Variants in KCNMA1 observed in about 807,000 individuals in gnomAD.
KCNMA1 encodes potassium calcium-activated channel subfamily M alpha 1, also known as Calcium-activated potassium channel subunit alpha-1.
Under a neutral mutation model 140.0 loss-of-function variants are expected in KCNMA1, and 29 were observed. That is an observed-to-expected ratio of 0.21 (90% CI 0.15 to 0.28). The LOEUF (loss-of-function observed/expected upper bound fraction) is 0.28, where lower values mean the gene tolerates loss of function less well. Among genes scored for constraint, KCNMA1 ranks in the 10% least tolerant of loss-of-function variants. The pLI, the probability that KCNMA1 is intolerant of heterozygous loss-of-function variation, is 1.00. For synonymous variants in KCNMA1, 612 were observed against 611.9 expected (o/e 1.00, Z 0.00); for missense variants, 880 against 1,602.2 (o/e 0.55, Z 7.70).
At chr10:77,550,689 T>G (rs1327228510) in intron 1 of KCNMA1, among the ~76,000 whole-genome samples, 1 of 152,206 alleles carries the variant, frequency 6.6e-6, no homozygotes, top group Non-Finnish European at 1.5e-5. Flanking sequence ...AAGGATTGTG[T>G]GTACTCCCTC....
chr10:77,105,895 A>G (rs562437990), intron 9 of KCNMA1, among the ~76,000 whole-genome samples: 1 of 152,346 alleles, frequency 6.6e-6, no homozygotes, highest in East Asian at 1.9e-4. Flanking sequence ...CAAGCGAAAG[A>G]AAACTTATTG....
chr10:77,071,855 G>A (rs983349854), intron 14 of KCNMA1, among the ~76,000 whole-genome samples: 2 of 152,298 alleles, frequency 1.3e-5, no homozygotes, highest in African/African-American at 4.8e-5. Flanking sequence ...ACATAATGCC[G>A]ATTTGGCAGG....
intron 1 of KCNMA1, among the ~76,000 whole-genome samples, chr10:77,408,537 T>G (rs1448785444): frequency 6.6e-6 from 1 of 152,158 alleles, no homozygotes; most frequent in Non-Finnish European, 1.5e-5. Flanking sequence ...TCTGTGTGTG[T>G]GCTCACACAT....
At chr10:77,298,139 C>T (rs377045508) in intron 2 of KCNMA1, among the ~76,000 whole-genome samples, 1 of 152,182 alleles carries the variant, frequency 6.6e-6, no homozygotes, top group African/African-American at 2.4e-5. Flanking sequence ...CCCTGCTAAA[C>T]CAGAGAGAGC....
Position 77,086,669 on chromosome 10 carries a change from T to C in KCNMA1, c.1335-76A>G, listed in dbSNP as rs529109900. 1.2e-3 allele frequency: 1,194 copies of C among 1,020,546 alleles called. 1 individual carries two copies. Among genetic ancestry groups the C allele is most frequent in the Non-Finnish European group, 1.3e-3 (856 of 655,138 alleles). 63.2% of individuals were successfully genotyped at this position (1,020,546 alleles called of 1,614,324 possible). A position where few individuals can be genotyped will look rare whatever the true frequency, so the allele number is the denominator to read the frequency against. On this transcript the variant is annotated intron_variant, in intron 10 of 27. Coordinates refer to ENST00000286628, the MANE Select transcript of KCNMA1 (RefSeq NM_001161352.2). The stretch of plus-strand genomic sequence containing the variant: ...CAGCCTCCATGGGCTCCTTCCTCTC[T>C]AATTTCCACAGGGAGCCCTGGGGAG...
chr10:77,424,296 T>C (rs1286461812), intron 1 of KCNMA1, among the ~76,000 whole-genome samples: 7 of 152,234 alleles, frequency 4.6e-5, no homozygotes, highest in Admixed American at 6.5e-5. Context: ...ATGCCAAGTA[T>C]GAATCTAAGT....
At chr10:77,259,089 C>T (rs551747725) in intron 2 of KCNMA1, among the ~76,000 whole-genome samples, 4 of 152,256 alleles carry the variant, frequency 2.6e-5, no homozygotes, top group African/African-American at 7.2e-5. Flanking sequence ...AATTACCAAG[C>T]TAGCACTATG....
intron 3 of KCNMA1, among the ~76,000 whole-genome samples, chr10:77,231,129 C>T (rs1361855434): frequency 6.6e-6 from 1 of 152,166 alleles, no homozygotes; most frequent in Admixed American, 6.5e-5. Flanking sequence ...TCCTGTGATA[C>T]TCAAGGCCCT....
chr10:77,493,470 G>A (rs952495758), intron 1 of KCNMA1, among the ~76,000 whole-genome samples: 1 of 152,260 alleles, frequency 6.6e-6, no homozygotes, highest in Admixed American at 6.5e-5. Context: ...GGCGTCAAGC[G>A]TGAGTTGGAG....
chr10:77,251,455 C>T (rs2059649097), intron 2 of KCNMA1, among the ~76,000 whole-genome samples, 199 bp from the exon 3 acceptor site: 1 of 152,120 alleles, frequency 6.6e-6, no homozygotes, highest in East Asian at 1.9e-4. Flanking sequence ...CAACCTCGCT[C>T]CTTGCCAATA....
chr10:77,297,098 G>A (rs990761263), intron 2 of KCNMA1, among the ~76,000 whole-genome samples: 5 of 152,184 alleles, frequency 3.3e-5, no homozygotes, highest in Non-Finnish European at 4.4e-5. Context: ...TTGTGAGGAC[G>A]GAGGTCCTAC....
chr10:77,429,604 T>C (rs2097104548), intron 1 of KCNMA1, among the ~76,000 whole-genome samples: 1 of 152,194 alleles, frequency 6.6e-6, no homozygotes, highest in Non-Finnish European at 1.5e-5. Flanking sequence ...TATTGTACCC[T>C]CTTTTGGAAA....
intron 1 of KCNMA1, among the ~76,000 whole-genome samples, chr10:77,562,852 CT>C (rs2066840386): frequency 6.6e-6 from 1 of 152,204 alleles, no homozygotes; most frequent in Non-Finnish European, 1.5e-5. Context: ...TGGAAGAAGT[CT>C]TTCTTTCAAG....
chr10:77,256,810 G>T (rs1004993567), intron 2 of KCNMA1, among the ~76,000 whole-genome samples: 3 of 152,108 alleles, frequency 2.0e-5, no homozygotes, highest in African/African-American at 7.2e-5. Context: ...TTTTTAAATT[G>T]AAGTATATAA....
chr10:77,345,359 C>G (rs182064760), intron 2 of KCNMA1, among the ~76,000 whole-genome samples: 1 of 151,800 alleles, frequency 6.6e-6, no homozygotes, highest in Admixed American at 6.6e-5. Flanking sequence ...TTGTCAGGCT[C>G]CCCCTTTGCC....
chr10:77,439,052 C>T (rs1382453584), intron 1 of KCNMA1, among the ~76,000 whole-genome samples: 1 of 147,782 alleles, frequency 6.8e-6, no homozygotes, highest in Non-Finnish European at 1.5e-5. Flanking sequence ...GCCTGGGCGA[C>T]AGAGCGAGAC....
At chr10:77,013,130 A>ATTTGATTC (rs1435518148) in intron 17 of KCNMA1, among the ~76,000 whole-genome samples, 1 of 152,130 alleles carries the variant, frequency 6.6e-6, no homozygotes, top group Non-Finnish European at 1.5e-5. Flanking sequence ...ATTCTTGACC[A>ATTTGATTC]TTTGATTCTT....
chr10:77,279,608 C>T (rs1391134167), intron 2 of KCNMA1, among the ~76,000 whole-genome samples: 3 of 152,142 alleles, frequency 2.0e-5, no homozygotes, highest in African/African-American at 7.2e-5. Context: ...AAAATCCAGA[C>T]CTTATTTCCC....
At chr10:76,983,085 GA>G (rs1266409605) in intron 19 of KCNMA1, among the ~76,000 whole-genome samples, 1 of 152,176 alleles carries the variant, frequency 6.6e-6, no homozygotes, top group East Asian at 1.9e-4. Context: ...CAGAGAACTG[GA>G]AGGAAACCCG....
Sources: gnomAD v4.1 joint callset for allele counts (sites outside exome capture counted in the v4.1 genomes callset) on GRCh38, gnomAD v4.1.1 for gene constraint, MANE v1.5 for transcripts, NCBI Gene and HGNC (gene_info 2026-07-23, HGNC 2026-07-21) for gene names.